The following NALF1 variants were observed in gnomAD, a reference collection of about 807,000 sequenced individuals.
NALF1 encodes the protein family with sequence similarity 155 member A.
NALF1 carries 3 observed loss-of-function variants against 48.4 expected under a neutral mutation model. That is an observed-to-expected ratio of 0.06 (90% CI 0.03 to 0.16). The LOEUF is 0.16. NALF1 is among the 10% of genes least tolerant of loss of function. The probability of loss-of-function intolerance (pLI) is 1.00; values close to 1 mark genes in which losing one functional copy is unlikely to be tolerated. For missense variants in NALF1, 526 were observed against 571.5 expected, an observed-to-expected ratio of 0.92 and a Z score of 0.81; for synonymous variants, 262 against 245.7, an observed-to-expected ratio of 1.07 and a Z score of -0.62.
chr13:107,437,860 CAG>C (rs1317021701), intron 1 of NALF1, among the ~76,000 whole-genome samples: 1 of 152,038 alleles, frequency 6.6e-6, no homozygotes, highest in East Asian at 1.9e-4. Flanking sequence ...ACCTCGAAAA[CAG>C]AAAGGGAGAG....
rs1169639708 is a variant in NALF1 at position 107,631,684 on chromosome 13, C to T, written c.915+233998G>A. On this transcript the variant is annotated intron_variant, in intron 1 of 2. Coordinates refer to ENST00000375915, the MANE Select transcript of NALF1 (RefSeq NM_001080396.3). ...ATTGCATTGACTAGTCATGCACAGG[C>T]TTGCCGAGACCTCAAGCAGCAAGAC... is the stretch of plus-strand genomic sequence containing the variant. Among the ~76,000 whole-genome samples, 4 of 152,050 alleles carry T rather than the reference C, an allele frequency of 2.6e-5. No individual in the cohort carries two copies. The East Asian group carries it at 5.8e-4, about 22-fold the overall frequency.
At chr13:107,839,108 A>C (rs779395047) in intron 1 of NALF1, among the ~76,000 whole-genome samples, 14 of 152,000 alleles carry the variant, frequency 9.2e-5, no homozygotes, top group Non-Finnish European at 2.1e-4. Context: ...TCTTCCTAGA[A>C]AAAAATATAT....
chr13:107,284,833 G>A (rs1242293676), intron 1 of NALF1, among the ~76,000 whole-genome samples: 1 of 152,192 alleles, frequency 6.6e-6, no homozygotes, highest in African/African-American at 2.4e-5. Flanking sequence ...CTGCCATGCT[G>A]GAGCCTTCGT....
chr13:107,648,829 T>C (rs1210393844), intron 1 of NALF1, among the ~76,000 whole-genome samples: 1 of 152,224 alleles, frequency 6.6e-6, no homozygotes, highest in Non-Finnish European at 1.5e-5. Flanking sequence ...TTTATTCACA[T>C]CCTTGCCAGC....
At chr13:107,769,894 A>T (rs1566475004) in intron 1 of NALF1, among the ~76,000 whole-genome samples, 1 of 150,902 alleles carries the variant, frequency 6.6e-6, no homozygotes, top group Non-Finnish European at 1.5e-5. Flanking sequence ...TCAAAATTCA[A>T]TTTTTTTTGC....
At chr13:107,243,358 T>C (rs935909153) in intron 1 of NALF1, among the ~76,000 whole-genome samples, 26 of 152,330 alleles carry the variant, frequency 1.7e-4, no homozygotes, top group African/African-American at 6.3e-4. Context: ...GCCCCTGCCC[T>C]GGGCCACGCA....
chr13:107,737,823 TA>T (rs1876511238), intron 1 of NALF1, among the ~76,000 whole-genome samples: 1 of 152,212 alleles, frequency 6.6e-6, no homozygotes. Context: ...GTATGCCTAA[TA>T]AAAACAATTT....
intron 2 of NALF1, among the ~76,000 whole-genome samples, chr13:107,185,107 G>A (rs1364760812): frequency 6.6e-6 from 1 of 152,168 alleles, no homozygotes; most frequent in African/African-American, 2.4e-5. Context: ...GCAACTACAG[G>A]TCAAGGAGTG....
intron 1 of NALF1, among the ~76,000 whole-genome samples, chr13:107,401,794 G>A (rs1205417451): frequency 6.6e-6 from 1 of 152,112 alleles, no homozygotes; most frequent in Non-Finnish European, 1.5e-5. Flanking sequence ...ATACATTTAG[G>A]ATAGCAATAA....
At chr13:107,536,104 G>A (rs1438636218) in intron 1 of NALF1, among the ~76,000 whole-genome samples, 2 of 152,120 alleles carry the variant, frequency 1.3e-5, no homozygotes, top group Non-Finnish European at 2.9e-5. Flanking sequence ...TTACATGTTA[G>A]ACCTAAAACC....
At chr13:107,240,783 A>G (rs1173119580) in intron 1 of NALF1, among the ~76,000 whole-genome samples, 1 of 152,074 alleles carries the variant, frequency 6.6e-6, no homozygotes, top group Non-Finnish European at 1.5e-5. Flanking sequence ...TTCAAAGAGG[A>G]AACTGTCAAA....
At chr13:107,573,909 CTCTT>C (rs1878061168) in intron 1 of NALF1, among the ~76,000 whole-genome samples, 1 of 152,188 alleles carries the variant, frequency 6.6e-6, no homozygotes, top group African/African-American at 2.4e-5. Flanking sequence ...TCAATTAAAC[CTCTT>C]TCTTTTATAA....
Position 107,187,650 on chromosome 13 carries a change from G to T in NALF1, c.1088-16864C>A, listed in dbSNP as rs115583385. 2.7e-3 allele frequency among the ~76,000 whole-genome samples: 414 copies of T among 152,300 alleles called. 1 individual carries two copies. Among genetic ancestry groups the T allele is most frequent in the African/African-American group, 9.4e-3 (390 of 41,566 alleles). ...CATACGTGGGAATGGAGACAGCCGG[G>T]CAGCTCAGATGCCTGCTTATCATTT... is the stretch of plus-strand genomic sequence containing the variant. On this transcript the variant is annotated intron_variant, in intron 2 of 2. Transcript: ENST00000375915.
intron 2 of NALF1, among the ~76,000 whole-genome samples, chr13:107,202,210 A>T (rs757173540): frequency 6.6e-6 from 1 of 152,034 alleles, no homozygotes; most frequent in Non-Finnish European, 1.5e-5. Flanking sequence ...CTTTAAAACT[A>T]ATTTTAAAGT....
intron 1 of NALF1, among the ~76,000 whole-genome samples, chr13:107,392,189 G>A (rs994442651): frequency 2.6e-5 from 4 of 152,076 alleles, no homozygotes; most frequent in African/African-American, 9.7e-5. Flanking sequence ...GGAAGGACAA[G>A]TGAGCTGGGA....
chr13:107,654,992 C>A (rs1355178347), intron 1 of NALF1, among the ~76,000 whole-genome samples: 1 of 152,068 alleles, frequency 6.6e-6, no homozygotes, highest in African/African-American at 2.4e-5. Flanking sequence ...ATAGAAGGGA[C>A]ATACCTTAAG....
chr13:107,234,549 G>C (rs1484775041), intron 1 of NALF1, among the ~76,000 whole-genome samples: 1 of 152,070 alleles, frequency 6.6e-6, no homozygotes, highest in African/African-American at 2.4e-5. Flanking sequence ...CTGTCAGCCG[G>C]CCCTGAGCTC....
chr13:107,814,768 A>G (rs1378307441), intron 1 of NALF1, among the ~76,000 whole-genome samples: 1 of 152,204 alleles, frequency 6.6e-6, no homozygotes, highest in Non-Finnish European at 1.5e-5. Flanking sequence ...AATAATTGAT[A>G]GAACTAAGCA....
chr13:107,611,143 A>G (rs187393136), intron 1 of NALF1, among the ~76,000 whole-genome samples: 2 of 152,314 alleles, frequency 1.3e-5, no homozygotes, highest in East Asian at 3.9e-4. Flanking sequence ...CCCTCCTGGT[A>G]TTTAGCAGTC....
Sources: allele counts gnomAD v4.1 joint callset (sites outside exome capture counted in the v4.1 genomes callset), GRCh38; gene constraint gnomAD v4.1.1; transcripts MANE v1.5; gene names NCBI Gene and HGNC (gene_info 2026-07-23, HGNC 2026-07-21).